CHODL: variants seen among roughly 807,000 people sequenced by gnomAD.
The protein encoded by CHODL is transmembrane protein MT75.
A neutral mutation model predicts 34.5 loss-of-function variants in CHODL; 29 were observed. That is an observed-to-expected ratio of 0.84 (90% confidence interval 0.63 to 1.15). The LOEUF is 1.15. CHODL is among the 50% of genes most tolerant of loss of function. The pLI is 0.00. For synonymous variants in CHODL, 125 were observed against 116.1 expected, an observed-to-expected ratio of 1.08 and a Z score of -0.49; for missense variants, 332 against 332.5, an observed-to-expected ratio of 1.00 and a Z score of 0.01.
At chr21:18,256,426 C>A in intron 1 of CHODL, 83 bp from the exon 2 acceptor site, 1 of 1,259,982 alleles carries the variant, frequency 7.9e-7, no homozygotes, top group Non-Finnish European at 1.1e-6. Context: ...TCTGCTTTGA[C>A]TGGTTCTTAC....
intron 1 of CHODL, among the ~76,000 whole-genome samples, chr21:17,935,498 GT>G (rs1233230319): frequency 6.6e-6 from 1 of 152,114 alleles, no homozygotes; most frequent in Non-Finnish European, 1.5e-5. Context: ...TCTGGTGTGC[GT>G]TTAGACAAAT....
chr21:18,158,017 A>G (rs1048884234), intron 2 of CHODL, among the ~76,000 whole-genome samples: 1 of 151,356 alleles, frequency 6.6e-6, no homozygotes, highest in Non-Finnish European at 1.5e-5. Context: ...AAACATTAAG[A>G]TGGTTTTATA....
chr21:18,114,980 A>T (rs2065394908), intron 2 of CHODL: 2 of 152,378 alleles, frequency 1.3e-5, no homozygotes, highest in African/African-American at 4.8e-5. Flanking sequence ...TGCCAGACTT[A>T]ACCCAGCCTA....
At position 18,087,428 on chromosome 21, in the gene CHODL, C is replaced by T. The variant is rs77823130; in HGVS notation, c.-45+59457C>T. Reference sequence around the variant, plus strand: ...TGAAAATGGCACCTTGGGCATGTGACAAGAGATGGAAAGGCCCCTCAAGCA... The same window carrying T: ...TGAAAATGGCACCTTGGGCATGTGATAAGAGATGGAAAGGCCCCTCAAGCA... On this transcript the variant is annotated intron_variant, in intron 2 of 6. Transcript: ENST00000400127. Among the ~76,000 whole-genome samples, 692 of 152,206 alleles carry T rather than the reference C, an allele frequency of 4.5e-3. 17 individuals are homozygous for T. The East Asian group carries it at 0.074, about 16-fold the overall frequency.
In CHODL at chr21:18,266,175, TA is replaced by T; in HGVS notation, c.*140del. ...GTAAGCTCCCCCTTGAGGCAAATAT[TA>T]AAGTAATTTTTATATGTCTATTATT... On this transcript the variant is annotated 3_prime_UTR_variant, in exon 6 of 6. Transcript: ENST00000299295. 6.4e-7 allele frequency: 1 copy of T among 1,551,028 alleles called. No homozygotes were observed. Among genetic ancestry groups the T allele is most frequent in the Non-Finnish European group, 8.7e-7 (1 of 1,145,748 alleles).
chr21:18,160,335 CT>C (rs910617688), intron 2 of CHODL, among the ~76,000 whole-genome samples: 3 of 151,896 alleles, frequency 2.0e-5, no homozygotes, highest in Middle Eastern at 3.4e-3. Flanking sequence ...TTTTTCTCTT[CT>C]TTTTTTTAAC....
At chr21:17,971,333 A>T (rs1252683448) in intron 1 of CHODL, among the ~76,000 whole-genome samples, 1 of 152,186 alleles carries the variant, frequency 6.6e-6, no homozygotes, top group African/African-American at 2.4e-5. Flanking sequence ...TAGTTGAACT[A>T]ATTTACACTC....
At chr21:18,196,961 A>G (rs185953987) in intron 2 of CHODL, among the ~76,000 whole-genome samples, 1 of 152,274 alleles carries the variant, frequency 6.6e-6, no homozygotes, top group Admixed American at 6.5e-5. Flanking sequence ...AATAGATCCT[A>G]TATGTTCTCA....
intron 2 of CHODL, among the ~76,000 whole-genome samples, chr21:18,073,903 CTTTATT>C (rs1188510041): frequency 6.6e-6 from 1 of 151,790 alleles, no homozygotes; most frequent in Non-Finnish European, 1.5e-5. Flanking sequence ...ATAAAATAAA[CTTTATT>C]TTTAAAAAAC....
intron 2 of CHODL, among the ~76,000 whole-genome samples, chr21:18,067,833 T>C (rs1400134102): frequency 2.0e-5 from 3 of 152,178 alleles, no homozygotes; most frequent in Non-Finnish European, 4.4e-5. Flanking sequence ...ACTTGTGATA[T>C]TATCACGCAA....
intron 1 of CHODL, among the ~76,000 whole-genome samples, chr21:18,003,500 T>C (rs2063930803): frequency 6.6e-6 from 1 of 151,974 alleles, no homozygotes; most frequent in South Asian, 2.1e-4. Flanking sequence ...TGTTAAGCAC[T>C]TCACATGTAT....
chr21:17,937,129 G>T (rs2146326290), intron 1 of CHODL, among the ~76,000 whole-genome samples: 1 of 151,252 alleles, frequency 6.6e-6, no homozygotes, highest in Admixed American at 6.6e-5. Flanking sequence ...ATGTAGAAAT[G>T]GATATGCACT....
chr21:18,003,570 A>G (rs1934237180), intron 1 of CHODL, among the ~76,000 whole-genome samples: 1 of 152,170 alleles, frequency 6.6e-6, no homozygotes, highest in East Asian at 1.9e-4. Flanking sequence ...TAATTATTCT[A>G]TAAATAACTC....
chr21:18,171,502 C>T (rs557465360), intron 2 of CHODL, among the ~76,000 whole-genome samples: 8 of 152,012 alleles, frequency 5.3e-5, no homozygotes, highest in African/African-American at 1.4e-4. Flanking sequence ...CCACCGCGCC[C>T]GGCCTTCTTT....
At chr21:18,190,024 A>T (rs962800845) in intron 2 of CHODL, among the ~76,000 whole-genome samples, 5 of 152,212 alleles carry the variant, frequency 3.3e-5, no homozygotes, top group Non-Finnish European at 5.9e-5. Context: ...AGCTGCTCCC[A>T]TACCACTGTT....
chr21:18,036,139 G>A (rs1229633786), intron 2 of CHODL, among the ~76,000 whole-genome samples: 1 of 151,976 alleles, frequency 6.6e-6, no homozygotes, highest in African/African-American at 2.4e-5. Flanking sequence ...GATCATAGAA[G>A]CCTGTAGTCT....
intron 2 of CHODL, among the ~76,000 whole-genome samples, chr21:18,028,542 A>G (rs2064210120): frequency 6.6e-6 from 1 of 151,640 alleles, no homozygotes; most frequent in Admixed American, 6.6e-5. Flanking sequence ...TACTAAAAAT[A>G]CAAAAAATTA....
intron 2 of CHODL, among the ~76,000 whole-genome samples, chr21:18,095,131 A>T (rs3859708): frequency 7.8e-6 from 1 of 127,876 alleles, no homozygotes; most frequent in Non-Finnish European, 1.8e-5. Flanking sequence ...CTCAAAAAAA[A>T]AAAAGAAGGA....
rs1421843476 is a variant in CHODL at position 18,154,885 on chromosome 21, A to G, written c.-44-101624A>G. Among the ~76,000 whole-genome samples the G allele has an allele frequency of 3.3e-5, 5 of 152,214 alleles. No homozygotes were observed. The South Asian group carries it at 6.2e-4, about 19-fold the overall frequency. On this transcript the variant is annotated intron_variant, in intron 2 of 6. Coordinates refer to the CHODL transcript ENST00000400127. ...TGGTAGGAGAAAATTTCAAGTCTGT[A>G]TAAGATGATGGAGATATGTAGAGAT...
Sources: gnomAD v4.1 joint callset for allele counts (sites outside exome capture counted in the v4.1 genomes callset) on GRCh38, gnomAD v4.1.1 for gene constraint, MANE v1.5 for transcripts, NCBI Gene and HGNC (gene_info 2026-07-23, HGNC 2026-07-21) for gene names.